TRPC4: variants seen among roughly 807,000 people sequenced by gnomAD.
TRPC4 encodes the protein transient receptor potential cation channel subfamily C member 4.
Under a neutral mutation model 99.4 loss-of-function variants are expected in TRPC4, and 49 were observed. The ratio of observed to expected loss-of-function variants is 0.49; its 90% CI spans 0.39 to 0.63. The LOEUF (loss-of-function observed/expected upper bound fraction) is 0.63, where lower values mean the gene tolerates loss of function less well. Ranked by LOEUF, TRPC4 falls within the 20% of genes least tolerant of loss-of-function variation. TRPC4 has a pLI of 0.00. For missense variants in TRPC4, 898 were observed against 1,152.9 expected (o/e 0.78, Z 3.20); for synonymous variants, 454 against 425.9 (o/e 1.07, Z -0.81).
chr13:37,704,058 C>T (rs1954188811), intron 3 of TRPC4, among the ~76,000 whole-genome samples: 1 of 152,122 alleles, frequency 6.6e-6, no homozygotes, highest in South Asian at 2.1e-4. Context: ...TATTGATATA[C>T]ACACATGGTT....
chr13:37,729,050 C>T (rs1265843081), intron 3 of TRPC4, among the ~76,000 whole-genome samples: 5 of 152,010 alleles, frequency 3.3e-5, no homozygotes, highest in Admixed American at 6.6e-5. Flanking sequence ...TAAACATAGA[C>T]CTAAAACTCT....
chr13:37,674,057 C>A (rs914340637), intron 5 of TRPC4, among the ~76,000 whole-genome samples, 171 bp downstream of exon 5: 13 of 152,046 alleles, frequency 8.6e-5, no homozygotes, highest in African/African-American at 2.7e-4. Context: ...AAAGGCTATG[C>A]ATTTATTTAT....
At position 37,651,389 on chromosome 13, in the gene TRPC4, G is replaced by T. The variant is rs759147267; in HGVS notation, c.1955C>A (p.Thr652Asn). 1.2e-6 allele frequency: 2 copies of T among 1,614,078 alleles called. No homozygotes were observed. The highest frequency in any genetic ancestry group is 1.7e-6 in the Non-Finnish European group (2 of 1,179,966). The change falls in exon 8 of 11, where the codon ACT becomes AAT. Residue 652 changes from threonine to asparagine, a missense_variant. Transcript: ENST00000379705. ...LWMSYFEEGG[T>N]LPTPFNVIPS... ...GATGACATTGAAGGGAGTAGGCAGA[G>T]TACCTCCTTCTTCAAAATAACTCAT...
intron 8 of TRPC4, among the ~76,000 whole-genome samples, chr13:37,643,309 A>G (rs546138527): frequency 6.6e-6 from 1 of 152,348 alleles, no homozygotes; most frequent in African/African-American, 2.4e-5. Flanking sequence ...TGAATAAAGC[A>G]CACTTTTGCC....
chr13:37,667,069 C>G (rs781061017), intron 5 of TRPC4, among the ~76,000 whole-genome samples: 2 of 152,264 alleles, frequency 1.3e-5, no homozygotes, highest in African/African-American at 4.8e-5. Context: ...TCCATTTACC[C>G]CTTCTGATCT....
chr13:37,669,096 T>C (rs1167734272), intron 5 of TRPC4, among the ~76,000 whole-genome samples: 1 of 152,098 alleles, frequency 6.6e-6, no homozygotes, highest in Non-Finnish European at 1.5e-5. Context: ...AGACATGCAG[T>C]TAGAACTATT....
intron 10 of TRPC4, 79 bp from the exon 11 acceptor site, chr13:37,637,704 CAG>C: frequency 7.2e-7 from 1 of 1,382,590 alleles, no homozygotes; most frequent in Non-Finnish European, 9.8e-7. Context: ...ATATATGGGT[CAG>C]AAATGTTTTC....
chr13:37,702,541 G>A (rs995540758), intron 3 of TRPC4, among the ~76,000 whole-genome samples: 1 of 152,014 alleles, frequency 6.6e-6, no homozygotes, highest in Non-Finnish European at 1.5e-5. Flanking sequence ...TAATGTTCTG[G>A]AAAAATTGAA....
chr13:37,647,644 T>G (rs943496020), intron 8 of TRPC4, among the ~76,000 whole-genome samples: 2 of 152,214 alleles, frequency 1.3e-5, no homozygotes, highest in African/African-American at 2.4e-5. Flanking sequence ...GGTTATCTTT[T>G]AAAAGAAATG....
chr13:37,765,872 T>A (rs2139264600), intron 2 of TRPC4, among the ~76,000 whole-genome samples: 1 of 151,630 alleles, frequency 6.6e-6, no homozygotes, highest in African/African-American at 2.4e-5. Flanking sequence ...ATATATTTGA[T>A]GTTTTTTTAA....
chr13:37,802,721 T>C (rs1957433762), intron 1 of TRPC4, among the ~76,000 whole-genome samples: 1 of 152,124 alleles, frequency 6.6e-6, no homozygotes, highest in Admixed American at 6.6e-5. Context: ...ACTAACTTAC[T>C]AGTGAGAAAT....
chr13:37,864,583 T>C (rs183197699), intron 1 of TRPC4, among the ~76,000 whole-genome samples: 38 of 151,800 alleles, frequency 2.5e-4, no homozygotes, highest in Non-Finnish European at 3.8e-4. Flanking sequence ...TTATGAAGCA[T>C]AGTATTTATG....
intron 1 of TRPC4, among the ~76,000 whole-genome samples, chr13:37,834,081 A>G (rs1958495435): frequency 6.6e-6 from 1 of 152,166 alleles, no homozygotes; most frequent in East Asian, 1.9e-4. Flanking sequence ...ATCAGGTGAC[A>G]TATTCAGAAA....
chr13:37,706,646 A>G (rs1954291037), intron 3 of TRPC4, among the ~76,000 whole-genome samples: 2 of 143,898 alleles, frequency 1.4e-5, no homozygotes, highest in South Asian at 4.6e-4. Flanking sequence ...ACCCCACAAC[A>G]GGCCCCGGTG....
chr13:37,642,884 C>T (rs950074526), intron 8 of TRPC4, among the ~76,000 whole-genome samples: 3 of 152,058 alleles, frequency 2.0e-5, no homozygotes, highest in Non-Finnish European at 4.4e-5. Context: ...GTGCATGGCA[C>T]CACGCCTGGC....
At position 37,783,054 on chromosome 13, in the gene TRPC4, C is replaced by T. The variant is rs1381274157; in HGVS notation, c.280G>A (p.Val94Ile). 2 of 1,613,120 alleles carry T rather than the reference C, an allele frequency of 1.2e-6. No homozygotes were observed. The highest frequency in any genetic ancestry group is 1.3e-5 in the African/African-American group (1 of 74,884). The change falls in exon 2 of 11, where the codon GTC becomes ATC. Residue 94 changes from valine (V) to isoleucine (I), a missense_variant. Coordinates refer to ENST00000379705, the MANE Select transcript of TRPC4 (RefSeq NM_016179.4). Reference protein sequence around the residue: ...ELIELLLSFNVYVGDALLHAI... With the variant: ...ELIELLLSFNIYVGDALLHAI... ...TGTAATAGAGCATCTCCAACATAGA[C>T]ATTAAAGCTTAAGAGTAGTTCGATG...
chr13:37,823,988 A>T (rs1473430727), intron 1 of TRPC4, among the ~76,000 whole-genome samples: 1 of 137,526 alleles, frequency 7.3e-6, no homozygotes, highest in Non-Finnish European at 1.6e-5. Context: ...GGTCCTTCAC[A>T]TCGTTTGTAA....
chr13:37,799,033 G>A (rs868531390), intron 1 of TRPC4, among the ~76,000 whole-genome samples: 4 of 151,084 alleles, frequency 2.6e-5, no homozygotes, highest in Non-Finnish European at 4.4e-5. Context: ...CTGGGTTCAC[G>A]CCATTCTCCT....
chr13:37,747,265 A>G (rs1159783135), intron 2 of TRPC4, among the ~76,000 whole-genome samples: 1 of 152,078 alleles, frequency 6.6e-6, no homozygotes, highest in Admixed American at 6.6e-5. Flanking sequence ...ACCCTTTATT[A>G]TTCACATTTT....
Sources: allele counts gnomAD v4.1 joint callset (sites outside exome capture counted in the v4.1 genomes callset), GRCh38; gene constraint gnomAD v4.1.1; transcripts MANE v1.5; gene names NCBI Gene and HGNC (gene_info 2026-07-23, HGNC 2026-07-21).